LGALS8: variants seen among roughly 807,000 people sequenced by gnomAD.
LGALS8 encodes galectin 8.
LGALS8 carries 30 observed loss-of-function variants against 35.9 expected under a neutral mutation model. The observed-to-expected ratio is 0.83, with a 90% confidence interval of 0.62 to 1.13. The LOEUF (loss-of-function observed/expected upper bound fraction) is 1.13. LGALS8 is among the 50% of genes most tolerant of loss of function. The pLI, the probability that LGALS8 is intolerant of heterozygous loss-of-function variation, is 0.00. For missense variants in LGALS8, 366 were observed against 388.7 expected (o/e 0.94, Z 0.49); for synonymous variants, 138 against 136.1 (o/e 1.01, Z -0.10).
At chr1:236,524,447 T>TCTGG (rs1159917102) in intron 1 of LGALS8, 11 of 455,770 alleles carry the variant, frequency 2.4e-5, no homozygotes, top group Non-Finnish European at 4.4e-5. Flanking sequence ...AGTGGAGGAA[T>TCTGG]CTGGGGAAGT....
At position 236,549,011 on chromosome 1, in the gene LGALS8, T is replaced by C; in HGVS notation, c.*850T>C. On this transcript the variant is annotated 3_prime_UTR_variant, in exon 10 of 10. Transcript: ENST00000366584. ...CAGGAAGAGGCAAGATGCATTCAAT[T>C]TGAAAGATATTTATGGGCAACAAAG... The C allele has an allele frequency of 2.5e-6, 1 of 398,566 alleles. No individual in the cohort carries two copies. Among genetic ancestry groups the C allele is most frequent in the Non-Finnish European group, 4.4e-6 (1 of 226,042 alleles). The allele number at this position is 398,566 out of a possible 1,614,324, so 24.7% of individuals were successfully genotyped here.
rs373730559 is a variant in LGALS8 at position 236,543,721 on chromosome 1, C to G, written c.638+73C>G. 241 of 1,049,022 alleles carry G rather than the reference C, an allele frequency of 2.3e-4. 2 individuals carry two copies. The East Asian group carries it at 4.0e-3, about 18-fold the overall frequency. The allele number at this position is 1,049,022 out of a possible 1,614,324, so 65.0% of individuals were successfully genotyped here. ...TTACCGCCTTCCACCCGTGAACGGT[C>G]CTGTGAGCTGGAAGAAGGGCTAGCG... is the stretch of plus-strand genomic sequence containing the variant. On this transcript the variant is annotated intron_variant, in intron 8 of 9. Transcript: ENST00000366584.
rs754809537 is a variant in LGALS8 at position 236,548,755 on chromosome 1, C to A, written c.*594C>A. ...CTCTACCGTATCCCATCACTGAGGA[C>A]TGATGTTGACTGACATCATTTTCTT... On this transcript the variant is annotated 3_prime_UTR_variant, in exon 10 of 10. Transcript: ENST00000366584. The A allele has an allele frequency of 1.1e-5, 4 of 367,262 alleles. No individual in the cohort carries two copies. The highest frequency in any genetic ancestry group is 1.9e-5 in the Non-Finnish European group (4 of 211,468). 22.8% of individuals were successfully genotyped at this position (367,262 alleles called of 1,614,324 possible). A position where few individuals can be genotyped will look rare whatever the true frequency, so the allele number is the denominator to read the frequency against.
At chr1:236,545,991 G>A (rs1278533228) in intron 9 of LGALS8, among the ~76,000 whole-genome samples, 1 of 152,212 alleles carries the variant, frequency 6.6e-6, no homozygotes, top group Non-Finnish European at 1.5e-5. Context: ...GTTGAGCCTT[G>A]TGGTGGGTGA....
chr1:236,534,497 C>G (rs1230800468), intron 2 of LGALS8, among the ~76,000 whole-genome samples: 3 of 151,716 alleles, frequency 2.0e-5, no homozygotes, highest in Non-Finnish European at 4.4e-5. Flanking sequence ...TGTGAATCAC[C>G]AAAGTAGCTT....
chr1:236,527,714 AT>A (rs1660891031), intron 2 of LGALS8, among the ~76,000 whole-genome samples: 1 of 150,940 alleles, frequency 6.6e-6, no homozygotes, highest in South Asian at 2.1e-4. Flanking sequence ...TAAATAACTT[AT>A]TTTATTTATT....
Position 236,526,106 on chromosome 1 carries a change from C to T in LGALS8, c.36C>T (p.Ile12=), listed in dbSNP as rs1460600411. 4 of 1,608,646 alleles carry T rather than the reference C, an allele frequency of 2.5e-6. No homozygotes were observed. Among genetic ancestry groups the T allele is most frequent in the Non-Finnish European group, 2.6e-6 (3 of 1,175,542 alleles). Residue 12 remains isoleucine (I), a synonymous_variant, in exon 2 of 10, where the codon ATC becomes ATT. Transcript: ENST00000366584. The surrounding 1 kb of genome is among the most constrained non-coding windows in gnomAD (Gnocchi z 4.6). The part of the protein sequence containing the change: ...MLSLNNLQNI[I]YNPVIPFVGT... ...CCTTAAACAACCTACAGAATATCATCTATAACCCGGTAACTGATTTCTATA... is the reference window on the plus strand; with the variant it reads ...CCTTAAACAACCTACAGAATATCATTTATAACCCGGTAACTGATTTCTATA...
intron 8 of LGALS8, among the ~76,000 whole-genome samples, chr1:236,544,141 C>G (rs867022328): frequency 1.3e-5 from 2 of 152,048 alleles, no homozygotes; most frequent in Non-Finnish European, 2.9e-5. Context: ...TTAGTAGAGA[C>G]AGGGGTTCAC....
intron 4 of LGALS8, chr1:236,539,321 CT>C (rs1661800206): frequency 2.0e-6 from 1 of 508,834 alleles, no homozygotes; most frequent in Non-Finnish European, 3.6e-6. Context: ...GTGACCAGAT[CT>C]TTTTATTAGA....
At chr1:236,538,448 C>G (rs34299988) in intron 3 of LGALS8, among the ~76,000 whole-genome samples, 1 of 152,054 alleles carries the variant, frequency 6.6e-6, no homozygotes, top group Admixed American at 6.5e-5. Context: ...CCTTGGCAGC[C>G]AGATTTCCAG....
chr1:236,535,841 T>C (rs1661457420), intron 2 of LGALS8, among the ~76,000 whole-genome samples: 1 of 152,274 alleles, frequency 6.6e-6, no homozygotes, highest in Non-Finnish European at 1.5e-5. Context: ...TGGGCTCAGC[T>C]TGCGGTTCAG....
At chr1:236,542,952 C>T in intron 7 of LGALS8, 165 bp downstream of exon 7, 8 of 1,614,026 alleles carry the variant, frequency 5.0e-6, no homozygotes, top group Non-Finnish European at 6.8e-6. Context: ...AAAATCGCAC[C>T]CAGAACTGTC....
rs371245157 is a variant in LGALS8 at position 236,538,101 on chromosome 1, A to AAAAAAAAAAAAAAAAAAAG, written c.134+519_134+520insAAAAAAAAAAAAAAAGAAA. Among the ~76,000 whole-genome samples, 422 of 95,996 alleles carry AAAAAAAAAAAAAAAAAAAG rather than the reference A, an allele frequency of 4.4e-3. 76 individuals carry two copies. The highest frequency in any genetic ancestry group is 7.2e-3 in the Non-Finnish European group (316 of 43,898). 63.0% of individuals were successfully genotyped at this position (95,996 alleles called of 152,430 possible). A position where few individuals can be genotyped will look rare whatever the true frequency, so the allele number is the denominator to read the frequency against. ...GCCTGGGTGACAAAAAAAAAAAAGA[A>AAAAAAAAAAAAAAAAAAAG]AAAGAAAAAGAATTAGGTATGTCAT... On this transcript the variant is annotated intron_variant, in intron 3 of 9. Coordinates refer to ENST00000366584, the MANE Select transcript of LGALS8 (RefSeq NM_201544.4).
chr1:236,545,495 C>T (rs770988821), intron 9 of LGALS8, among the ~76,000 whole-genome samples: 2 of 152,164 alleles, frequency 1.3e-5, no homozygotes, highest in Admixed American at 6.5e-5. Flanking sequence ...ATGCGGATGC[C>T]GGGTGTTTGG....
rs1661757507 is a variant in LGALS8 at position 236,538,907 on chromosome 1, A to G, written c.163A>G (p.Ser55Gly). ...CCAGGTGGATCTGCAGAATGGCAGCAGCATGAAACCTCGAGCCGATGTGGC... is the reference window on the plus strand; with the variant it reads ...CCAGGTGGATCTGCAGAATGGCAGCGGCATGAAACCTCGAGCCGATGTGGC... ...RFQVDLQNGS[S>G]MKPRADVAFH... Residue 55 changes from serine to glycine, a missense_variant, in exon 4 of 10, where the codon AGC becomes GGC. Ser to Gly is a moderately conservative substitution (Grantham distance 56). Coordinates refer to ENST00000366584, the MANE Select transcript of LGALS8 (RefSeq NM_201544.4). 10 of 1,612,872 alleles carry G rather than the reference A, an allele frequency of 6.2e-6. No homozygotes were observed. Among genetic ancestry groups the G allele is most frequent in the South Asian group, 4.4e-5 (4 of 90,920 alleles).
intron 4 of LGALS8, among the ~76,000 whole-genome samples, chr1:236,539,930 G>T (rs551408396): frequency 4.6e-5 from 7 of 151,752 alleles, no homozygotes. Context: ...TGCTGCTCGC[G>T]TTTTCTGCCT....
intron 2 of LGALS8, among the ~76,000 whole-genome samples, chr1:236,535,302 TTTTTTAA>T (rs1158431598): frequency 6.6e-6 from 1 of 152,016 alleles, no homozygotes; most frequent in East Asian, 1.9e-4. Flanking sequence ...CTCTTTTTCT[TTTTTTAA>T]TTTTTAATTT....
At position 236,550,019 on chromosome 1, in the gene LGALS8, G is replaced by C. The variant is rs1013784363; in HGVS notation, c.*1858G>C. ...GCGAACATTCTACGGGATGTTCTTAGATGCCTTTAAAAAGGGGGCAGATCT... is the reference window on the plus strand; with the variant it reads ...GCGAACATTCTACGGGATGTTCTTACATGCCTTTAAAAAGGGGGCAGATCT... On this transcript the variant is annotated 3_prime_UTR_variant, in exon 10 of 10. Transcript: ENST00000366584. The C allele has an allele frequency of 2.0e-5, 3 of 152,104 alleles. No homozygotes were observed. Among genetic ancestry groups the C allele is most frequent in the African/African-American group, 7.2e-5 (3 of 41,420 alleles). 9.4% of individuals were successfully genotyped at this position (152,104 alleles called of 1,614,324 possible).
chr1:236,532,146 A>C (rs1294986796), intron 2 of LGALS8, among the ~76,000 whole-genome samples: 2 of 152,180 alleles, frequency 1.3e-5, no homozygotes, highest in Non-Finnish European at 2.9e-5. Flanking sequence ...GCATAACCAT[A>C]TTATTTGCAT....
Sources: allele counts gnomAD v4.1 joint callset (sites outside exome capture counted in the v4.1 genomes callset), GRCh38; gene constraint gnomAD v4.1.1; non-coding constraint Gnocchi (gnomAD v3.1); transcripts MANE v1.5; gene names NCBI Gene and HGNC (gene_info 2026-07-23, HGNC 2026-07-21).